RSRC1: variants seen among roughly 807,000 people sequenced by gnomAD.
RSRC1 encodes serine/Arginine-related protein 53.
RSRC1 carries 39 observed loss-of-function variants against 49.1 expected under a neutral mutation model. The ratio of observed to expected loss-of-function variants is 0.79; its 90% CI spans 0.61 to 1.04. The LOEUF (loss-of-function observed/expected upper bound fraction) is 1.04. Ranked by LOEUF, RSRC1 falls within the 50% of genes least tolerant of loss-of-function variation. The probability of loss-of-function intolerance (pLI) is 0.00; values close to 1 mark genes in which losing one functional copy is unlikely to be tolerated. For synonymous variants in RSRC1, 143 were observed against 130.8 expected, an observed-to-expected ratio of 1.09 and a Z score of -0.63; for missense variants, 388 against 402.4, an observed-to-expected ratio of 0.96 and a Z score of 0.31.
intron 4 of RSRC1, chr3:158,276,328 G>A: frequency 1.3e-6 from 1 of 765,432 alleles, no homozygotes; most frequent in Non-Finnish European, 2.4e-6. Context: ...GCAGAGAGCT[G>A]GCGGTACTGC....
intron 7 of RSRC1, among the ~76,000 whole-genome samples, chr3:158,469,133 T>G (rs1738016730): frequency 6.6e-6 from 1 of 152,150 alleles, no homozygotes; most frequent in African/African-American, 2.4e-5. Flanking sequence ...AGCTTCTTCT[T>G]AAGGCCAGTT....
chr3:158,316,671 C>T (rs1051786714), intron 5 of RSRC1, among the ~76,000 whole-genome samples: 2 of 151,958 alleles, frequency 1.3e-5, no homozygotes, highest in East Asian at 3.9e-4. Context: ...GTCTCGATCT[C>T]CTGACCTTGT....
chr3:158,257,112 T>C (rs1454190556), intron 4 of RSRC1, among the ~76,000 whole-genome samples: 2 of 152,168 alleles, frequency 1.3e-5, no homozygotes, highest in East Asian at 1.9e-4. Flanking sequence ...TGCCTTCTGC[T>C]AGCTTTTGAA....
At chr3:158,250,076 C>A (rs1724123893) in intron 4 of RSRC1, among the ~76,000 whole-genome samples, 1 of 152,296 alleles carries the variant, frequency 6.6e-6, no homozygotes, top group Non-Finnish European at 1.5e-5. Context: ...GTTTGTCTTT[C>A]TGTGCTTGGC....
chr3:158,135,720 G>A (rs1163783169), intron 3 of RSRC1, among the ~76,000 whole-genome samples: 2 of 151,946 alleles, frequency 1.3e-5, no homozygotes, highest in Admixed American at 1.3e-4. Context: ...AACCCAAAAT[G>A]TTGACAAGGC....
At chr3:158,226,457 T>C (rs1056655845) in intron 4 of RSRC1, among the ~76,000 whole-genome samples, 1 of 152,000 alleles carries the variant, frequency 6.6e-6, no homozygotes, top group Admixed American at 6.6e-5. Flanking sequence ...TTAGAGTCTT[T>C]CCATCTTTCT....
intron 4 of RSRC1, among the ~76,000 whole-genome samples, chr3:158,210,989 A>C (rs1167576026): frequency 1.3e-5 from 2 of 152,028 alleles, no homozygotes; most frequent in Non-Finnish European, 2.9e-5. Flanking sequence ...GAATGAGAGA[A>C]GGTACTTTAA....
In RSRC1 at chr3:158,159,432, T is replaced by C. The variant is rs967785716; in HGVS notation, c.320+35441T>C. ...ATTATTAGTATAGCCCTTTATACTT[T>C]ACAAAATATGCTTTCACATGCATTT... On this transcript the variant is annotated intron_variant, in intron 3 of 9. Coordinates refer to ENST00000611884, the MANE Select transcript of RSRC1 (RefSeq NM_001271838.2). 2.0e-5 allele frequency among the ~76,000 whole-genome samples: 3 copies of C among 152,338 alleles called. 1 individual carries two copies. The highest frequency in any genetic ancestry group is 1.9e-4 in the East Asian group (1 of 5,190).
At chr3:158,243,029 G>T (rs1208821540) in intron 4 of RSRC1, among the ~76,000 whole-genome samples, 4 of 151,990 alleles carry the variant, frequency 2.6e-5, no homozygotes, top group Non-Finnish European at 4.4e-5. Context: ...AATTTCTTTT[G>T]CGTGGAGAAG....
intron 7 of RSRC1, among the ~76,000 whole-genome samples, chr3:158,505,836 A>C (rs1739836605): frequency 6.6e-6 from 1 of 151,414 alleles, no homozygotes; most frequent in Non-Finnish European, 1.5e-5. Context: ...CCTGTAATCA[A>C]GAGAATATGG....
chr3:158,271,696 G>GATAA (rs1412379137), intron 4 of RSRC1, among the ~76,000 whole-genome samples: 3 of 151,958 alleles, frequency 2.0e-5, no homozygotes, highest in African/African-American at 7.2e-5. Context: ...AATGCTTTTT[G>GATAA]ATAAATGCAT....
chr3:158,355,001 C>A (rs1425673588), intron 6 of RSRC1, 93 bp downstream of exon 6: 7 of 746,388 alleles, frequency 9.4e-6, no homozygotes, highest in Non-Finnish European at 1.2e-5. Context: ...AAAAAAAACA[C>A]TATTTTTATA....
intron 6 of RSRC1, among the ~76,000 whole-genome samples, chr3:158,372,084 A>G (rs1732111640): frequency 6.7e-6 from 1 of 149,824 alleles, no homozygotes; most frequent in African/African-American, 2.4e-5. Flanking sequence ...TCATGATCAA[A>G]TATGTTATTT....
At chr3:158,392,059 A>G (rs1052155922) in intron 6 of RSRC1, among the ~76,000 whole-genome samples, 1 of 152,128 alleles carries the variant, frequency 6.6e-6, no homozygotes, top group Non-Finnish European at 1.5e-5. Context: ...GAAAGCAAAC[A>G]AGTTTGTGAA....
At chr3:158,527,721 T>C (rs920467428) in intron 7 of RSRC1, among the ~76,000 whole-genome samples, 1 of 151,940 alleles carries the variant, frequency 6.6e-6, no homozygotes, top group African/African-American at 2.4e-5. Context: ...ACAGTAAACC[T>C]GGGTAAAGAA....
At chr3:158,143,603 T>A (rs1716883877) in intron 3 of RSRC1, among the ~76,000 whole-genome samples, 1 of 152,296 alleles carries the variant, frequency 6.6e-6, no homozygotes, top group African/African-American at 2.4e-5. Context: ...CTTATAAAAT[T>A]TTTTTAGGCA....
intron 1 of RSRC1, among the ~76,000 whole-genome samples, chr3:158,116,110 T>C (rs1211022764): frequency 6.6e-6 from 1 of 152,220 alleles, no homozygotes; most frequent in East Asian, 1.9e-4. Context: ...ATGTCACCGA[T>C]GATCTCGGAA....
chr3:158,394,655 A>G (rs1733511454), intron 6 of RSRC1, among the ~76,000 whole-genome samples: 1 of 152,136 alleles, frequency 6.6e-6, no homozygotes, highest in Non-Finnish European at 1.5e-5. Flanking sequence ...CTTTATAATG[A>G]GAAGTACAAA....
At chr3:158,321,106 A>AG (rs1168627596) in intron 5 of RSRC1, among the ~76,000 whole-genome samples, 1 of 152,052 alleles carries the variant, frequency 6.6e-6, no homozygotes, top group Non-Finnish European at 1.5e-5. Context: ...AAACATCTTT[A>AG]GTATCTCCCA....
Sources: allele counts gnomAD v4.1 joint callset (sites outside exome capture counted in the v4.1 genomes callset), GRCh38; gene constraint gnomAD v4.1.1; transcripts MANE v1.5; gene names NCBI Gene and HGNC (gene_info 2026-07-23, HGNC 2026-07-21).